CCDC88A: variants seen among roughly 807,000 people sequenced by gnomAD.
CCDC88A encodes girdin.
CCDC88A carries 54 observed loss-of-function variants against 234.3 expected under a neutral mutation model. The ratio of observed to expected loss-of-function variants is 0.23; its 90% confidence interval spans 0.19 to 0.29. CCDC88A has a LOEUF of 0.29. Among genes scored for constraint, CCDC88A ranks in the 10% least tolerant of loss-of-function variants. CCDC88A has a pLI of 1.00. For missense variants in CCDC88A, 1,832 were observed against 2,123.4 expected, an observed-to-expected ratio of 0.86 and a Z score of 2.70; for synonymous variants, 753 against 737.8, an observed-to-expected ratio of 1.02 and a Z score of -0.33.
At chr2:55,414,083 G>A (rs1199897480) in intron 2 of CCDC88A, among the ~76,000 whole-genome samples, 2 of 152,076 alleles carry the variant, frequency 1.3e-5, no homozygotes, top group Non-Finnish European at 2.9e-5. Context: ...ATTACCAAGT[G>A]TTCCAAGTAC....
At chr2:55,368,784 A>G (rs1672386689) in intron 5 of CCDC88A, among the ~76,000 whole-genome samples, 2 of 152,230 alleles carry the variant, frequency 1.3e-5, no homozygotes, top group South Asian at 2.1e-4. Context: ...CTATTTACAT[A>G]TTAGAATTTT....
At position 55,346,206 on chromosome 2, in the gene CCDC88A, T is replaced by A; in HGVS notation, c.1010A>T (p.His337Leu). ...TCTTGCCTTATAAAATTCAATATCA[T>A]GTAGTCTCTCTTTATATCTGCTGAC... Reference protein sequence around the residue: ...SEVSRYKERLHDIEFYKARVE... With the variant: ...SEVSRYKERLLDIEFYKARVE... The change falls in exon 10 of 33, where the codon CAT (histidine) becomes CTT (leucine). Residue 337 changes from histidine to leucine, a missense_variant. His to Leu is a moderately conservative substitution (Grantham distance 99). This residue lies in a region of CCDC88A where 1,282 missense variants were observed against 1,543.6 expected (regional missense o/e 0.83). Coordinates refer to ENST00000436346, the MANE Select transcript of CCDC88A (RefSeq NM_001365480.1). 1 of 1,609,916 alleles carries A rather than the reference T, an allele frequency of 6.2e-7. No homozygotes were observed. Among genetic ancestry groups the A allele is most frequent in the South Asian group, 1.1e-5 (1 of 90,344 alleles).
At chr2:55,310,034 A>C (rs544295330) in intron 23 of CCDC88A, among the ~76,000 whole-genome samples, 1 of 152,326 alleles carries the variant, frequency 6.6e-6, no homozygotes, top group African/African-American at 2.4e-5. Context: ...ATGAAGAAAA[A>C]GGCCATTATT....
chr2:55,412,162 T>C (rs1227961085), intron 2 of CCDC88A, among the ~76,000 whole-genome samples: 5 of 152,220 alleles, frequency 3.3e-5, no homozygotes, highest in Admixed American at 2.6e-4. Flanking sequence ...GTGCTAGTGA[T>C]ACATGCTAAG....
intron 12 of CCDC88A, among the ~76,000 whole-genome samples, chr2:55,340,928 T>C (rs1668390300): frequency 6.6e-6 from 1 of 152,094 alleles, no homozygotes; most frequent in Admixed American, 6.6e-5. Flanking sequence ...CTAAGTGAAA[T>C]TTTGTGTCCT....
intron 2 of CCDC88A, among the ~76,000 whole-genome samples, chr2:55,394,834 ATGTTTTTGTTTT>A (rs752663401): frequency 1.3e-5 from 2 of 151,332 alleles, no homozygotes; most frequent in African/African-American, 2.4e-5. Flanking sequence ...AAGAAAAAAA[ATGTTTTTGTTTT>A]TGTTTTTGTT....
At chr2:55,377,194 C>CTTTTTTT (rs11443883) in intron 3 of CCDC88A, among the ~76,000 whole-genome samples, 3 of 115,046 alleles carry the variant, frequency 2.6e-5, no homozygotes, top group Non-Finnish European at 5.1e-5. Flanking sequence ...TCACTATAGA[C>CTTTTTTT]TTTTTTTTTT....
chr2:55,333,989 TA>T, intron 15 of CCDC88A, 104 bp downstream of exon 15: 1 of 435,680 alleles, frequency 2.3e-6, no homozygotes, highest in Non-Finnish European at 4.0e-6. Context: ...TACTGAACCA[TA>T]AAATAAATGA....
chr2:55,303,121 C>G lies in CCDC88A; in HGVS notation c.4419G>C (p.Arg1473Ser). 6.4e-7 allele frequency: 1 copy of G among 1,551,596 alleles called. No individual in the cohort carries two copies. Among genetic ancestry groups the G allele is most frequent in the Non-Finnish European group, 8.7e-7 (1 of 1,146,742 alleles). The stretch of plus-strand genomic sequence containing the variant: ...TTTTGTCTTTATCCTTCGGTCTGTT[C>G]CTCAAAAAGGGCAGTCTTTTCAGTG... ...MVALKRLPFL[R>S]NRPKDKDKMK... Residue 1473 changes from arginine (R) to serine (S), a missense_variant, in exon 26 of 33, where the codon AGG (arginine) becomes AGC (serine). Around this residue, in one of 6 missense-constraint regions of CCDC88A, gnomAD observed 1,282 missense variants for 1,543.6 expected, o/e 0.83. Coordinates refer to ENST00000436346, the MANE Select transcript of CCDC88A (RefSeq NM_001365480.1).
chr2:55,351,203 T>C (rs1283723618), intron 8 of CCDC88A, among the ~76,000 whole-genome samples: 2 of 152,306 alleles, frequency 1.3e-5, no homozygotes, highest in East Asian at 3.9e-4. Flanking sequence ...CTTAAGTAAC[T>C]GGGACTACAA....
chr2:55,301,151 A>C, intron 28 of CCDC88A, 55 bp downstream of exon 28: 1 of 1,046,946 alleles, frequency 9.6e-7, no homozygotes, highest in Non-Finnish European at 1.5e-6. Flanking sequence ...CAAGAGTCCT[A>C]GCATTCCCAT....
chr2:55,355,792 T>C, intron 7 of CCDC88A, 41 bp from the exon 8 acceptor site: 1 of 1,519,534 alleles, frequency 6.6e-7, no homozygotes, highest in Non-Finnish European at 9.1e-7. Flanking sequence ...TTCTACATAT[T>C]AGCAAACTAA....
rs1574011240 is a variant in CCDC88A at position 55,301,118 on chromosome 2, A to G, written c.4744+88T>C. ...GATAGAGAAAACATGCTTGCTGGCAATGACGCATTCACCTATTAAAGGCAA... is the reference window on the plus strand; with the variant it reads ...GATAGAGAAAACATGCTTGCTGGCAGTGACGCATTCACCTATTAAAGGCAA... On this transcript the variant is annotated intron_variant, in intron 28 of 32. Coordinates refer to ENST00000436346, the MANE Select transcript of CCDC88A (RefSeq NM_001365480.1). The G allele has an allele frequency of 3.2e-5, 24 of 752,874 alleles. No homozygotes were observed. In the East Asian group the frequency reaches 3.9e-4, roughly 12 times the overall value. The allele number at this position is 752,874 out of a possible 1,614,324, so 46.6% of individuals were successfully genotyped here.
rs1225442360 is a variant in CCDC88A at position 55,335,775 on chromosome 2, G to A, written c.1657-611C>T. Among the ~76,000 whole-genome samples the A allele has an allele frequency of 6.6e-6, 1 of 152,140 alleles. No homozygotes were observed. Among genetic ancestry groups the A allele is most frequent in the African/African-American group, 2.4e-5 (1 of 41,436 alleles). ...TTAGTGTGTTAAATAATCTCAACAA[G>A]CTTGGAAAAATGAAGATTGAAGCTT... On this transcript the variant is annotated intron_variant, in intron 14 of 32. Transcript: ENST00000436346. The surrounding 1 kb of genome is among the most constrained non-coding windows in gnomAD (Gnocchi z 4.5).
At chr2:55,321,007 G>C (rs1294309538) in intron 18 of CCDC88A, 1 of 152,280 alleles carries the variant, frequency 6.6e-6, no homozygotes, top group South Asian at 2.1e-4. Context: ...CTAGTTGGGA[G>C]GCTGAGGCAA....
Position 55,317,546 on chromosome 2 carries a change from C to T in CCDC88A, c.3602+18G>A. 2.6e-6 allele frequency: 4 copies of T among 1,513,836 alleles called. No homozygotes were observed. Among genetic ancestry groups the T allele is most frequent in the Non-Finnish European group, 3.6e-6 (4 of 1,126,018 alleles). 93.8% of individuals were successfully genotyped at this position (1,513,836 alleles called of 1,614,324 possible). On this transcript the variant is annotated intron_variant, in intron 20 of 32. Coordinates refer to ENST00000436346, the MANE Select transcript of CCDC88A (RefSeq NM_001365480.1). The surrounding 1 kb of genome is among the most constrained non-coding windows in gnomAD (Gnocchi z 4.2). The stretch of plus-strand genomic sequence containing the variant: ...AATTCATTTTAAATTCACAGTACAA[C>T]AAAATATAATAAATTACCGGTCTTC...
chr2:55,405,900 C>T (rs905461853), intron 2 of CCDC88A: 2 of 152,192 alleles, frequency 1.3e-5, no homozygotes, highest in Non-Finnish European at 2.9e-5. Flanking sequence ...CGGCTCACGC[C>T]TATAATCCCA....
chr2:55,305,234 T>C (rs746664733), intron 25 of CCDC88A, among the ~76,000 whole-genome samples: 1 of 152,226 alleles, frequency 6.6e-6, no homozygotes, highest in African/African-American at 2.4e-5. Context: ...TCTTCCAAAA[T>C]GGACAGGATA....
rs1258623961 is a variant in CCDC88A at position 55,334,558 on chromosome 2, C to G, written c.2263G>C (p.Glu755Gln). ...ATATCTAAACCCTGGTAGCTAACTT[C>G]TAAGCGTTCTGTTTTCTTGAAAGAT... Reference protein sequence around the residue: ...KASFKKTERLEVSYQGLDIEN... With the variant: ...KASFKKTERLQVSYQGLDIEN... Residue 755 changes from glutamate to glutamine, a missense_variant, in exon 15 of 33, where the codon GAA becomes CAA. By Grantham distance (29) the Glu-to-Gln change is conservative. Coordinates refer to ENST00000436346, the MANE Select transcript of CCDC88A (RefSeq NM_001365480.1). The surrounding 1 kb of genome is among the most constrained non-coding windows in gnomAD (Gnocchi z 6.1). The G allele has an allele frequency of 1.2e-6, 2 of 1,612,902 alleles. No individual in the cohort carries two copies. The highest frequency in any genetic ancestry group is 1.7e-5 in the Admixed American group (1 of 60,004).
Sources: gnomAD v4.1 joint callset for allele counts (sites outside exome capture counted in the v4.1 genomes callset) on GRCh38, gnomAD v4.1.1 for gene constraint, gnomAD v4.1.1 regional missense constraint, Gnocchi (gnomAD v3.1) non-coding constraint, MANE v1.5 for transcripts, NCBI Gene and HGNC (gene_info 2026-07-23, HGNC 2026-07-21) for gene names.